KTI12: variants seen among roughly 807,000 people sequenced by gnomAD.
KTI12 encodes the protein protein KTI12 homolog.
KTI12 carries 8 observed loss-of-function variants against 8.8 expected under a neutral mutation model. That is an observed-to-expected ratio of 0.91 (90% CI 0.53 to 1.64). KTI12 has a LOEUF of 1.64. Among genes scored for constraint, KTI12 ranks in the 40% most tolerant of loss-of-function variants. The pLI is 0.00. For missense variants in KTI12, 490 were observed against 492.1 expected (o/e 1.00, Z 0.04); for synonymous variants, 216 against 220.1 (o/e 0.98, Z 0.17).
At position 52,032,643 on chromosome 1, in the gene KTI12, G is replaced by T; in HGVS notation, c.*54C>A. The T allele has an allele frequency of 6.5e-7, 1 of 1,534,924 alleles. No homozygotes were observed. The highest frequency in any genetic ancestry group is 1.3e-5 in the South Asian group (1 of 76,904). On this transcript the variant is annotated 3_prime_UTR_variant, in exon 1 of 1. Coordinates refer to ENST00000371614, the MANE Select transcript of KTI12 (RefSeq NM_138417.3). ...AGACCTGCAGCCTATTTTTCCCAGA[G>T]AAATAAAGTGGAGTGGAGATCAGAA...
In KTI12 at chr1:52,033,163, G is replaced by A; in HGVS notation, c.599C>T (p.Ser200Phe). 2.5e-6 allele frequency: 4 copies of A among 1,614,246 alleles called. No individual in the cohort carries two copies. The highest frequency in any genetic ancestry group is 3.4e-6 in the Non-Finnish European group (4 of 1,180,052). The change falls in exon 1 of 1, where the codon TCC becomes TTC. Residue 200 changes from serine (S) to phenylalanine (F), a missense_variant. Physicochemically the swap from Ser to Phe is radical, Grantham distance 155. Coordinates refer to ENST00000371614, the MANE Select transcript of KTI12 (RefSeq NM_138417.3). ...PDSEKSAKHG[S>F]GAFYSPELLE... is the part of the protein sequence containing the mutation. ...GAGTTCGGGAGAGTAAAAGGCACCG[G>A]ACCCATGCTTTGCAGATTTCTCTGA...
chr1:52,033,665 A>T lies in KTI12; in HGVS notation c.97T>A (p.Tyr33Asn). The T allele has an allele frequency of 6.2e-7, 1 of 1,611,176 alleles. No homozygotes were observed. Among genetic ancestry groups the T allele is most frequent in the Non-Finnish European group, 8.5e-7 (1 of 1,179,804 alleles). Residue 33 changes from tyrosine (Y) to asparagine (N), a missense_variant, in exon 1 of 1, where the codon TAC becomes AAC. Coordinates refer to ENST00000371614, the MANE Select transcript of KTI12 (RefSeq NM_138417.3). ...AGGACAGCTGCGTCGTCCACCACGT[A>T]CACCGCGCGGCCCTCGGCAGCCAGC... ...VALAAEGRAV[Y>N]VVDDAAVLGA...
In KTI12 at chr1:52,033,539, C is replaced by A; in HGVS notation, c.223G>T (p.Val75Leu). The change falls in exon 1 of 1, where the codon GTG (valine) becomes TTG (leucine). Residue 75 changes from valine to leucine, a missense_variant. Transcript: ENST00000371614. The part of the protein sequence containing the change: ...SVERRLSRHD[V>L]VILDSLNYIK... ...TAGTTAAGCGAGTCCAGGATGACCACGTCGTGGCGACTCAGGCGCCGTTCC... is the reference window on the plus strand; with the variant it reads ...TAGTTAAGCGAGTCCAGGATGACCAAGTCGTGGCGACTCAGGCGCCGTTCC... The A allele has an allele frequency of 6.2e-7, 1 of 1,613,976 alleles. No individual in the cohort carries two copies. The highest frequency in any genetic ancestry group is 8.5e-7 in the Non-Finnish European group (1 of 1,179,942).
Position 52,032,794 on chromosome 1 carries a change from C to T in KTI12, c.968G>A (p.Arg323His). 2.5e-6 allele frequency: 4 copies of T among 1,614,174 alleles called. No homozygotes were observed. The East Asian group carries it at 8.9e-5, about 36-fold the overall frequency. Residue 323 changes from arginine to histidine, a missense_variant, in exon 1 of 1, where the codon CGC becomes CAC. Arg to His is a conservative substitution (Grantham distance 29, BLOSUM62 0). Transcript: ENST00000371614. Reference sequence around the variant, plus strand: ...CATTTTAGTGTACGAAATAAACTGGCGACGAAGGCGACTCAGTTCTGCCAT... The same window carrying T: ...CATTTTAGTGTACGAAATAAACTGGTGACGAAGGCGACTCAGTTCTGCCAT... ...LTMAELSRLR[R>H]QFISYTKMHP... is the part of the protein sequence containing the mutation.
At position 52,033,733 on chromosome 1, in the gene KTI12, G is replaced by A. The variant is rs763503707; in HGVS notation, c.29C>T (p.Pro10Leu). Residue 10 changes from proline to leucine, a missense_variant, in exon 1 of 1, where the codon CCG becomes CTG. By Grantham distance (98) the Pro-to-Leu change is moderately conservative (BLOSUM62 -3). Coordinates refer to ENST00000371614, the MANE Select transcript of KTI12 (RefSeq NM_138417.3). Reference sequence around the variant, plus strand: ...AGCACGCCGGCTCTTGCCGCTGTACGGCAGCCCGCAAAACACCACGAGCGG... The same window carrying A: ...AGCACGCCGGCTCTTGCCGCTGTACAGCAGCCCGCAAAACACCACGAGCGG... Reference protein sequence around the residue: MPLVVFCGLPYSGKSRRAEE... With the variant: MPLVVFCGLLYSGKSRRAEE... 52 of 1,606,598 alleles carry A rather than the reference G, an allele frequency of 3.2e-5. No homozygotes were observed. Among genetic ancestry groups the A allele is most frequent in the Non-Finnish European group, 4.3e-5 (50 of 1,176,380 alleles).
In KTI12 at chr1:52,032,802, G is replaced by C; in HGVS notation, c.960C>G (p.Arg320=). ...TRPLTMAELS[R]LRRQFISYTK... ...TGTACGAAATAAACTGGCGACGAAG[G>C]CGACTCAGTTCTGCCATGGTCAAGG... Residue 320 remains arginine (R), a synonymous_variant, in exon 1 of 1, where the codon CGC becomes CGG. Coordinates refer to ENST00000371614, the MANE Select transcript of KTI12 (RefSeq NM_138417.3). The C allele has an allele frequency of 6.2e-7, 1 of 1,614,234 alleles. No homozygotes were observed. The highest frequency in any genetic ancestry group is 8.5e-7 in the Non-Finnish European group (1 of 1,180,040).
In KTI12 at chr1:52,032,298, T is replaced by C. The variant is rs1685776669; in HGVS notation, c.*399A>G. ...TATGAAAAAAGGGCAGGTGCAGATGTAGAACTGTACCATCTTCAGTTTCTG... is the reference window on the plus strand; with the variant it reads ...TATGAAAAAAGGGCAGGTGCAGATGCAGAACTGTACCATCTTCAGTTTCTG... On this transcript the variant is annotated 3_prime_UTR_variant, in exon 1 of 1. Transcript: ENST00000371614. The C allele has an allele frequency of 1.0e-6, 1 of 1,001,430 alleles. No homozygotes were observed. Among genetic ancestry groups the C allele is most frequent in the Non-Finnish European group, 1.2e-6 (1 of 840,378 alleles). The allele number at this position is 1,001,430 out of a possible 1,614,324, so 62.0% of individuals were successfully genotyped here.
At position 52,032,848 on chromosome 1, in the gene KTI12, TCTGTGGTAC is replaced by T; in HGVS notation, c.905_913del (p.Gly302_Thr304del). On this transcript the variant is annotated inframe_deletion, in exon 1 of 1. Transcript: ENST00000371614. Reference sequence around the variant, plus strand: ...CAAGGGCCGGGTAAACCGCAAGTGCTCTGTGGTACCAGGAAGCGTGAGCAAGTCCCCGGG... The same window carrying T: ...CAAGGGCCGGGTAAACCGCAAGTGCTCAGGAAGCGTGAGCAAGTCCCCGGG... The T allele has an allele frequency of 6.2e-7, 1 of 1,614,240 alleles. No individual in the cohort carries two copies. The highest frequency in any genetic ancestry group is 1.1e-5 in the South Asian group (1 of 91,088).
rs570459188 is a variant in KTI12 at position 52,032,142 on chromosome 1, G to A, written c.*555C>T. 1 of 966,804 alleles carries A rather than the reference G, an allele frequency of 1.0e-6. No homozygotes were observed. The highest frequency in any genetic ancestry group is 1.8e-5 in the African/African-American group (1 of 56,976). 59.9% of individuals were successfully genotyped at this position (966,804 alleles called of 1,614,324 possible). A position where few individuals can be genotyped will look rare whatever the true frequency, so the allele number is the denominator to read the frequency against. On this transcript the variant is annotated 3_prime_UTR_variant, in exon 1 of 1. Coordinates refer to ENST00000371614, the MANE Select transcript of KTI12 (RefSeq NM_138417.3). ...AGATTTTATTAGAGGAAATAATCTA[G>A]TAGATAACTTTCTTACTTCCACAAA...
In KTI12 at chr1:52,033,355, G is replaced by A; in HGVS notation, c.407C>T (p.Pro136Leu). 1 of 1,613,708 alleles carries A rather than the reference G, an allele frequency of 6.2e-7. No individual in the cohort carries two copies. The highest frequency in any genetic ancestry group is 8.5e-7 in the Non-Finnish European group (1 of 1,179,992). ...GGCTCTCCCGTCCTCCTCAGCGCGTGGCCGCCAACTCACACTGACGTTCCG... is the reference window on the plus strand; with the variant it reads ...GGCTCTCCCGTCCTCCTCAGCGCGTAGCCGCCAACTCACACTGACGTTCCG... ...PGRNVSVSWR[P>L]RAEEDGRAQA... The change falls in exon 1 of 1, where the codon CCA (proline) becomes CTA (leucine). Residue 136 changes from proline (P) to leucine (L), a missense_variant. Coordinates refer to ENST00000371614, the MANE Select transcript of KTI12 (RefSeq NM_138417.3).
rs1225184083 is a variant in KTI12 at position 52,033,462 on chromosome 1, G to A, written c.300C>T (p.Thr100=). 6.2e-7 allele frequency: 1 copy of A among 1,613,226 alleles called. No individual in the cohort carries two copies. Among genetic ancestry groups the A allele is most frequent in the East Asian group, 2.2e-5 (1 of 44,862 alleles). The stretch of plus-strand genomic sequence containing the variant: ...GTACGCAGTAGACCAGGCAGAGCGG[G>A]GTGCGCGCCGCCCGTGCCAGGCAGT... ...ELYCLARAAR[T]PLCLVYCVRP... The change falls in exon 1 of 1, where the codon ACC becomes ACT. Residue 100 remains threonine (T), a synonymous_variant. Coordinates refer to ENST00000371614, the MANE Select transcript of KTI12 (RefSeq NM_138417.3).
rs1685817293 is a variant in KTI12, at chr1:52,033,431, C to T, written c.331G>A (p.Gly111Ser). The change falls in exon 1 of 1, where the codon GGC (glycine) becomes AGC (serine). Residue 111 changes from glycine (G) to serine (S), a missense_variant. Transcript: ENST00000371614. Reference protein sequence around the residue: ...PLCLVYCVRPGGPIAGPQVAG... With the variant: ...PLCLVYCVRPSGPIAGPQVAG... The stretch of plus-strand genomic sequence containing the variant: ...ACCTGAGGTCCCGCGATCGGGCCGC[C>T]GGGCCGTACGCAGTAGACCAGGCAG... The T allele has an allele frequency of 4.3e-6, 7 of 1,612,270 alleles. No individual in the cohort carries two copies. The South Asian group carries it at 5.5e-5, about 13-fold the overall frequency.
In KTI12 at chr1:52,033,396, C is replaced by T. The variant is rs143842489; in HGVS notation, c.366G>A (p.Ala122=). The T allele has an allele frequency of 2.3e-5, 37 of 1,612,300 alleles. No individual in the cohort carries two copies. In the African/African-American group the frequency reaches 4.7e-4, roughly 20 times the overall value. ...TGACGTTCCGGCCAGGGTTCTCGTT[C>T]GCGCCCGCCACCTGAGGTCCCGCGA... ...GPIAGPQVAG[A]NENPGRNVSV... The change falls in exon 1 of 1, where the codon GCG becomes GCA. Residue 122 remains alanine (A), a synonymous_variant. Transcript: ENST00000371614.
Position 52,033,754 on chromosome 1 carries a change from A to G in KTI12, c.8T>C (p.Leu3Pro). The change falls in exon 1 of 1, where the codon CTC becomes CCC. Residue 3 changes from leucine (L) to proline (P), a missense_variant. Coordinates refer to ENST00000371614, the MANE Select transcript of KTI12 (RefSeq NM_138417.3). Reference sequence around the variant, plus strand: ...GTACGGCAGCCCGCAAAACACCACGAGCGGCATCCTCTCAGGGAGCGACCA... The same window carrying G: ...GTACGGCAGCCCGCAAAACACCACGGGCGGCATCCTCTCAGGGAGCGACCA... Reference protein sequence around the residue: MPLVVFCGLPYSG... With the variant: MPPVVFCGLPYSG... 6.3e-7 allele frequency: 1 copy of G among 1,597,708 alleles called. No homozygotes were observed. Among genetic ancestry groups the G allele is most frequent in the Non-Finnish European group, 8.5e-7 (1 of 1,171,226 alleles).
Position 52,032,170 on chromosome 1 carries a change from CA to C in KTI12, c.*526del. On this transcript the variant is annotated 3_prime_UTR_variant, in exon 1 of 1. Coordinates refer to ENST00000371614, the MANE Select transcript of KTI12 (RefSeq NM_138417.3). Reference sequence around the variant, plus strand: ...GATAACTTTCTTACTTCCACAAAAACAAAGTTTCTCAAGGATACAAACCAAT... The same window carrying C: ...GATAACTTTCTTACTTCCACAAAAACAAGTTTCTCAAGGATACAAACCAAT... The C allele has an allele frequency of 1.1e-5, 11 of 983,636 alleles. No homozygotes were observed. The highest frequency in any genetic ancestry group is 1.3e-5 in the Non-Finnish European group (11 of 828,368). The allele number at this position is 983,636 out of a possible 1,614,324, so 60.9% of individuals were successfully genotyped here.
At position 52,033,508 on chromosome 1, in the gene KTI12, T is replaced by C. The variant is rs200200454; in HGVS notation, c.254A>G (p.Lys85Arg). 3.0e-5 allele frequency: 49 copies of C among 1,613,744 alleles called. No homozygotes were observed. Among genetic ancestry groups the C allele is most frequent in the East Asian group, 1.1e-4 (5 of 44,878 alleles). ...VVILDSLNYI[K>R]GFRYELYCLA... ...GCAGTAGAGCTCGTAACGGAAACCT[T>C]TGATGTAGTTAAGCGAGTCCAGGAT... Residue 85 changes from lysine (K) to arginine (R), a missense_variant, in exon 1 of 1, where the codon AAA (lysine) becomes AGA (arginine). Transcript: ENST00000371614.
rs757957517 is a variant in KTI12, at chr1:52,033,420, G to T, written c.342C>A (p.Ile114=). 6.9e-7 allele frequency: 1 copy of T among 1,451,428 alleles called. No individual in the cohort carries two copies. Among genetic ancestry groups the T allele is most frequent in the Admixed American group, 1.8e-5 (1 of 56,316 alleles). The allele number at this position is 1,451,428 out of a possible 1,614,324, so 89.9% of individuals were successfully genotyped here. A position where few individuals can be genotyped will look rare whatever the true frequency, so the allele number is the denominator to read the frequency against. ...LVYCVRPGGP[I]AGPQVAGANE... ...TCGCGCCCGCCACCTGAGGTCCCGC[G>T]ATCGGGCCGCCGGGCCGTACGCAGT... The change falls in exon 1 of 1, where the codon ATC becomes ATA. Residue 114 remains isoleucine, a synonymous_variant. Transcript: ENST00000371614.
At position 52,032,211 on chromosome 1, in the gene KTI12, A is replaced by G. The variant is rs887631424; in HGVS notation, c.*486T>C. 2.0e-6 allele frequency: 2 copies of G among 985,870 alleles called. No homozygotes were observed. Among genetic ancestry groups the G allele is most frequent in the South Asian group, 9.4e-5 (2 of 21,304 alleles). 61.1% of individuals were successfully genotyped at this position (985,870 alleles called of 1,614,324 possible). On this transcript the variant is annotated 3_prime_UTR_variant, in exon 1 of 1. Coordinates refer to ENST00000371614, the MANE Select transcript of KTI12 (RefSeq NM_138417.3). Reference sequence around the variant, plus strand: ...TACAAACCAATGGATTTATCTGTGAACTCGGTCCCAGAATAGAAACTAGCA... The same window carrying G: ...TACAAACCAATGGATTTATCTGTGAGCTCGGTCCCAGAATAGAAACTAGCA...
chr1:52,033,657 C>G lies in KTI12; in HGVS notation c.105G>C (p.Val35=). The change falls in exon 1 of 1, where the codon GTG becomes GTC. Residue 35 remains valine (V), a synonymous_variant. Coordinates refer to ENST00000371614, the MANE Select transcript of KTI12 (RefSeq NM_138417.3). ...CTGCGCCCAGGACAGCTGCGTCGTC[C>G]ACCACGTACACCGCGCGGCCCTCGG... ...LAAEGRAVYV[V]DDAAVLGAED... 6.2e-7 allele frequency: 1 copy of G among 1,611,232 alleles called. No individual in the cohort carries two copies. Among genetic ancestry groups the G allele is most frequent in the Non-Finnish European group, 8.5e-7 (1 of 1,179,832 alleles).
Sources: gnomAD v4.1 joint callset for allele counts on GRCh38, gnomAD v4.1.1 for gene constraint, MANE v1.5 for transcripts, NCBI Gene and HGNC (gene_info 2026-07-23, HGNC 2026-07-21) for gene names.